SLAMF9: variants seen among roughly 807,000 people sequenced by gnomAD.
The protein encoded by SLAMF9 is CD2 family member 10.
Under a neutral mutation model 30.4 loss-of-function variants are expected in SLAMF9, and 25 were observed. The ratio of observed to expected loss-of-function variants is 0.82; its 90% CI spans 0.60 to 1.15. The LOEUF (loss-of-function observed/expected upper bound fraction) is 1.15. Ranked by LOEUF, SLAMF9 falls within the 50% of genes most tolerant of loss-of-function variation. SLAMF9 has a pLI of 0.00. For missense variants in SLAMF9, 344 were observed against 346.1 expected (o/e 0.99, Z 0.05); for synonymous variants, 129 against 127.2 (o/e 1.01, Z -0.09).
At chr1:159,963,442 C>T in the SLAMF9 span, among the ~76,000 whole-genome samples, 4 of 152,184 alleles carry the variant, frequency 2.6e-5, no homozygotes, top group Admixed American at 6.5e-5. Context: ...CAACCCAGCT[C>T]GGTGTTTTCC....
At chr1:159,981,651 G>T in the SLAMF9 span, among the ~76,000 whole-genome samples, 1 of 152,356 alleles carries the variant, frequency 6.6e-6, no homozygotes, top group East Asian at 1.9e-4. Flanking sequence ...GTCAGGGAGT[G>T]TGCTCAGGTC....
At chr1:159,980,010 C>T in the SLAMF9 span, among the ~76,000 whole-genome samples, 2 of 152,088 alleles carry the variant, frequency 1.3e-5, no homozygotes, top group Non-Finnish European at 2.9e-5. Context: ...ACAGAATCGG[C>T]GTGGGGAGTT....
chr1:159,974,926 T>G, the SLAMF9 span, among the ~76,000 whole-genome samples: 4 of 152,168 alleles, frequency 2.6e-5, no homozygotes, highest in Non-Finnish European at 1.5e-5. Flanking sequence ...CTTCCATCAC[T>G]CCTGGAACTT....
the SLAMF9 span, among the ~76,000 whole-genome samples, chr1:159,963,542 A>G: frequency 6.6e-6 from 1 of 152,094 alleles, no homozygotes; most frequent in African/African-American, 2.4e-5. Flanking sequence ...TGTAAGGGCA[A>G]CCCATTCCTT....
chr1:159,951,873 T>C lies in SLAMF9; in HGVS notation c.665-7A>G. ...TCAGAAGCATAGTTAGGATCTGGGG[T>C]GGAAGAAAGGAGGAAAGGGCCCATC... On this transcript the variant is annotated splice_region_variant and splice_polypyrimidine_tract_variant and intron_variant, in intron 3 of 3. Transcript: ENST00000368093. 1.2e-6 allele frequency: 2 copies of C among 1,613,136 alleles called. No individual in the cohort carries two copies. The highest frequency in any genetic ancestry group is 1.7e-6 in the Non-Finnish European group (2 of 1,179,640).
the SLAMF9 span, among the ~76,000 whole-genome samples, chr1:159,972,061 TG>T: frequency 6.6e-6 from 1 of 152,136 alleles, no homozygotes; most frequent in African/African-American, 2.4e-5. Context: ...TAGACAACCC[TG>T]GGGGGAGGGT....
the SLAMF9 span, among the ~76,000 whole-genome samples, chr1:159,967,779 A>G: frequency 8.5e-5 from 13 of 152,226 alleles, no homozygotes; most frequent in South Asian, 2.7e-3. Flanking sequence ...CATTTCTTTC[A>G]TTAGTATTTT....
chr1:159,953,422 T>C lies in SLAMF9; in HGVS notation c.278A>G (p.Tyr93Cys). ...QGQVSFLDPS[Y>C]SLHISNLSWE... ...GCTCAGATTGCTGATATGCAGGGAA[T>C]AGCTGGGGTCCAGGAAGCTCACTTG... The change falls in exon 2 of 4, where the codon TAT (tyrosine) becomes TGT (cysteine). Residue 93 changes from tyrosine to cysteine, a missense_variant. Physicochemically the swap from Tyr to Cys is radical, Grantham distance 194. Coordinates refer to ENST00000368093, the MANE Select transcript of SLAMF9 (RefSeq NM_033438.4). 6.2e-7 allele frequency: 1 copy of C among 1,614,238 alleles called. No homozygotes were observed. Among genetic ancestry groups the C allele is most frequent in the Non-Finnish European group, 8.5e-7 (1 of 1,180,036 alleles).
chr1:159,953,219 T>C (rs1651821734), intron 2 of SLAMF9, 90 bp downstream of exon 2: 1 of 1,098,796 alleles, frequency 9.1e-7, no homozygotes, highest in Non-Finnish European at 1.3e-6. Context: ...CCTCAAACCA[T>C]AACCCCAAGT....
At position 159,952,314 on chromosome 1, in the gene SLAMF9, G is replaced by A. The variant is rs369579262; in HGVS notation, c.612C>T (p.Asn204=). Residue 204 remains asparagine, a synonymous_variant, in exon 3 of 4, where the codon AAC becomes AAT. Transcript: ENST00000368093. The part of the protein sequence containing the change: ...SALSYTCRAN[N]PISNVSSCPI... Reference sequence around the variant, plus strand: ...GGCAAGAACTGACGTTGCTGATGGGGTTGTTGGCTCTGCAGGTGTAGGAGA... The same window carrying A: ...GGCAAGAACTGACGTTGCTGATGGGATTGTTGGCTCTGCAGGTGTAGGAGA... The A allele has an allele frequency of 3.1e-5, 50 of 1,614,014 alleles. 2 individuals carry two copies. In the Middle Eastern group the frequency reaches 1.5e-3, roughly 48 times the overall value.
At position 159,951,779 on chromosome 1, in the gene SLAMF9, G is replaced by T. The variant is rs777017625; in HGVS notation, c.752C>A (p.Ala251Asp). The T allele has an allele frequency of 6.2e-7, 1 of 1,614,158 alleles. No homozygotes were observed. The highest frequency in any genetic ancestry group is 1.7e-5 in the Admixed American group (1 of 60,016). Residue 251 changes from alanine to aspartate, a missense_variant, in exon 4 of 4, where the codon GCC (alanine) becomes GAC (aspartate). Transcript: ENST00000368093. ...GACTCGGATGACCCAGAGTCCCATG[G>T]CCAGAATTACCAAGAGCAAGAAGAT... ...LLIFLLLVIL[A>D]MGLWVIRVQK... is the part of the protein sequence containing the mutation.
At chr1:159,983,120 G>A in the SLAMF9 span, 1 of 152,240 alleles carries the variant, frequency 6.6e-6, no homozygotes, top group Non-Finnish European at 1.5e-5. Context: ...ACCCTGGTTA[G>A]GCTCCTCTCT....
chr1:159,983,176 G>A, the SLAMF9 span: 1 of 152,388 alleles, frequency 6.6e-6, no homozygotes, highest in South Asian at 2.1e-4. Context: ...GTTCCCATCA[G>A]AGGAGGTTTA....
the SLAMF9 span, among the ~76,000 whole-genome samples, chr1:159,975,151 A>C: frequency 6.6e-6 from 1 of 152,252 alleles, no homozygotes; most frequent in African/African-American, 2.4e-5. Context: ...GCAGAGAAGC[A>C]GGATTTATTC....
the SLAMF9 span, chr1:159,965,548 TC>T: frequency 6.6e-6 from 1 of 152,150 alleles, no homozygotes; most frequent in African/African-American, 2.4e-5. Context: ...GCTGACAGAG[TC>T]CCCAGACAGA....
upstream of SLAMF9, among the ~76,000 whole-genome samples, chr1:159,954,475 T>C (rs1204686857): frequency 6.6e-6 from 1 of 152,170 alleles, no homozygotes; most frequent in Non-Finnish European, 1.5e-5. Flanking sequence ...ACGTACTGCA[T>C]GCCCCGAACT....
At chr1:159,959,224 T>G (rs568875891), upstream of SLAMF9, among the ~76,000 whole-genome samples, 10 of 152,326 alleles carry the variant, frequency 6.6e-5, no homozygotes, top group South Asian at 1.5e-3. Context: ...CACAGATGGC[T>G]AAGATGAACT....
chr1:159,973,917 G>A, the SLAMF9 span: 1 of 1,612,538 alleles, frequency 6.2e-7, no homozygotes, highest in Non-Finnish European at 8.5e-7. Context: ...CATGGACAGA[G>A]TCTGGTTTTC....
At chr1:159,954,835 T>C (rs1328955449), upstream of SLAMF9, among the ~76,000 whole-genome samples, 2 of 152,118 alleles carry the variant, frequency 1.3e-5, no homozygotes, top group East Asian at 3.9e-4. Context: ...TCCCAGCACT[T>C]TGGGAGGCCG....
Sources: allele counts gnomAD v4.1 joint callset (sites outside exome capture counted in the v4.1 genomes callset), GRCh38; gene constraint gnomAD v4.1.1; transcripts MANE v1.5; gene names NCBI Gene and HGNC (gene_info 2026-07-23, HGNC 2026-07-21).